Variants in ELAVL4 observed in about 807,000 individuals in gnomAD.
ELAVL4 encodes ELAV-like protein 4.
A neutral mutation model predicts 35.6 loss-of-function variants in ELAVL4; 1 was observed. That is an observed-to-expected ratio of 0.03 (90% CI 0.01 to 0.13). The LOEUF (loss-of-function observed/expected upper bound fraction) is 0.13, where lower values mean the gene tolerates loss of function less well. Ranked by LOEUF, ELAVL4 falls within the 10% of genes least tolerant of loss-of-function variation. The pLI is 1.00. For missense variants in ELAVL4, 267 were observed against 464.9 expected (o/e 0.57, Z 3.91); for synonymous variants, 156 against 171.0 (o/e 0.91, Z 0.69).
intron 4 of ELAVL4, among the ~76,000 whole-genome samples, chr1:50,195,297 G>C (rs1320251271): frequency 6.6e-6 from 1 of 152,142 alleles, no homozygotes; most frequent in Admixed American, 6.5e-5. Context: ...GTGATGATGG[G>C]GCAGAGCAGT....
In ELAVL4 at chr1:50,203,413, A is replaced by G. The variant is rs1042651140; in HGVS notation, c.*2235A>G. On this transcript the variant is annotated 3_prime_UTR_variant, in exon 7 of 7. Transcript: ENST00000371824. Reference sequence around the variant, plus strand: ...TCCTCTTTTCGGTTTTGGATATAACACCAGATTTCAGTTCAGAGAACACTC... The same window carrying G: ...TCCTCTTTTCGGTTTTGGATATAACGCCAGATTTCAGTTCAGAGAACACTC... 1 of 151,978 alleles carries G rather than the reference A, an allele frequency of 6.6e-6. No individual in the cohort carries two copies. 9.4% of individuals were successfully genotyped at this position (151,978 alleles called of 1,614,324 possible). A position where few individuals can be genotyped will look rare whatever the true frequency, so the allele number is the denominator to read the frequency against.
intron 3 of ELAVL4, among the ~76,000 whole-genome samples, chr1:50,186,538 C>T (rs755042417): frequency 2.6e-5 from 4 of 152,042 alleles, no homozygotes; most frequent in Non-Finnish European, 4.4e-5. Context: ...GTGCCTGGGA[C>T]TCGTGGAGGA....
chr1:50,093,590 A>T (rs1004814675), intron 1 of ELAVL4, among the ~76,000 whole-genome samples: 3 of 152,204 alleles, frequency 2.0e-5, no homozygotes, highest in African/African-American at 7.2e-5. Flanking sequence ...TTATTAATAG[A>T]GACTCCTTGC....
rs1469568050 is a variant in ELAVL4 at position 50,202,954 on chromosome 1, C to CT, written c.*1777dup. On this transcript the variant is annotated 3_prime_UTR_variant, in exon 7 of 7. Transcript: ENST00000371824. ...AAACAGAGCTAAGGGAACAAAATGA[C>CT]TGAGGGAGCACTCTCCCACGTCCAG... 3.3e-5 allele frequency: 5 copies of CT among 152,100 alleles called. No individual in the cohort carries two copies. Among genetic ancestry groups the CT allele is most frequent in the Non-Finnish European group, 7.4e-5 (5 of 67,992 alleles). 9.4% of individuals were successfully genotyped at this position (152,100 alleles called of 1,614,324 possible).
chr1:50,062,807 A>G (rs1355092660), intron 1 of ELAVL4, among the ~76,000 whole-genome samples: 2 of 152,186 alleles, frequency 1.3e-5, no homozygotes, highest in Non-Finnish European at 2.9e-5. Flanking sequence ...TGGTTCAAAC[A>G]TGGACACATG....
chr1:50,151,854 G>A (rs962597311), intron 2 of ELAVL4, among the ~76,000 whole-genome samples: 1 of 152,190 alleles, frequency 6.6e-6, no homozygotes, highest in African/African-American at 2.4e-5. Context: ...TGTTGGAGGT[G>A]AGTGGAAAAT....
At chr1:50,072,571 C>G (rs1664580605) in intron 1 of ELAVL4, among the ~76,000 whole-genome samples, 1 of 152,152 alleles carries the variant, frequency 6.6e-6, no homozygotes, top group Non-Finnish European at 1.5e-5. Flanking sequence ...ACAAATAACT[C>G]TCTCCCTCAA....
chr1:50,101,700 G>A (rs1665988138), upstream of ELAVL4, among the ~76,000 whole-genome samples: 1 of 151,996 alleles, frequency 6.6e-6, no homozygotes, highest in African/African-American at 2.4e-5. Context: ...GAGGCCAGGA[G>A]TTCAAGACAA....
chr1:50,087,313 A>T (rs1423242809), intron 1 of ELAVL4, among the ~76,000 whole-genome samples: 2 of 152,304 alleles, frequency 1.3e-5, no homozygotes, highest in African/African-American at 4.8e-5. Flanking sequence ...CCAAGGTGAC[A>T]GAGCTAATTA....
chr1:50,081,514 T>C (rs925395604), intron 1 of ELAVL4, among the ~76,000 whole-genome samples: 7 of 152,238 alleles, frequency 4.6e-5, no homozygotes, highest in Non-Finnish European at 1.0e-4. Flanking sequence ...TTCATCCAGA[T>C]TCTGATTCAG....
At chr1:50,071,866 T>C (rs772745830) in intron 1 of ELAVL4, among the ~76,000 whole-genome samples, 3 of 152,142 alleles carry the variant, frequency 2.0e-5, no homozygotes, top group Non-Finnish European at 4.4e-5. Flanking sequence ...GTTGAAAAAC[T>C]GTTGAGAGAA....
intron 3 of ELAVL4, 87 bp from the exon 4 acceptor site, chr1:50,193,678 G>A (rs930794611): frequency 6.8e-7 from 1 of 1,477,116 alleles, no homozygotes; most frequent in Non-Finnish European, 9.1e-7. Context: ...AACGGTAGAT[G>A]AGGGGCTGTC....
chr1:50,113,458 T>C (rs1362103564), intron 1 of ELAVL4, among the ~76,000 whole-genome samples: 2 of 152,144 alleles, frequency 1.3e-5, no homozygotes, highest in African/African-American at 4.8e-5. Context: ...ACGAAAGTAC[T>C]TTGGCCTTGA....
At chr1:50,163,926 A>C (rs1223010064) in intron 2 of ELAVL4, among the ~76,000 whole-genome samples, 1 of 152,196 alleles carries the variant, frequency 6.6e-6, no homozygotes, top group African/African-American at 2.4e-5. Flanking sequence ...CATATTCAAG[A>C]AACCAGGGCA....
intron 1 of ELAVL4, among the ~76,000 whole-genome samples, chr1:50,094,180 C>T (rs1389998211): frequency 6.6e-6 from 1 of 152,208 alleles, no homozygotes; most frequent in African/African-American, 2.4e-5. Context: ...ATTTATTTAA[C>T]TATCATTTAT....
chr1:50,150,276 T>G (rs1322282356), intron 2 of ELAVL4, among the ~76,000 whole-genome samples: 1 of 152,216 alleles, frequency 6.6e-6, no homozygotes, highest in South Asian at 2.1e-4. Flanking sequence ...GTGTCTTCAT[T>G]TCTTCCTTTA....
At position 50,193,993 on chromosome 1, in the gene ELAVL4, T is replaced by TC. The variant is rs1409190637; in HGVS notation, c.508+75_508+76insC. The TC allele has an allele frequency of 3.2e-6, 5 of 1,544,422 alleles. No individual in the cohort carries two copies. The African/African-American group carries it at 6.9e-5, about 21-fold the overall frequency. On this transcript the variant is annotated intron_variant, in intron 4 of 6. Coordinates refer to ENST00000371824, the MANE Select transcript of ELAVL4 (RefSeq NM_001144774.3). Reference sequence around the variant, plus strand: ...CCTGTTACTCATAAGAGCAGAAGGCTGATGGCTGCTTAAAGCAGATGATAT... The same window carrying TC: ...CCTGTTACTCATAAGAGCAGAAGGCTCGATGGCTGCTTAAAGCAGATGATAT...
At chr1:50,130,617 C>T (rs889915301) in intron 1 of ELAVL4, among the ~76,000 whole-genome samples, 20 of 152,108 alleles carry the variant, frequency 1.3e-4, no homozygotes, top group African/African-American at 4.6e-4. Flanking sequence ...ATATTCCAGG[C>T]ACTTTGTATG....
At position 50,175,656 on chromosome 1, in the gene ELAVL4, C is replaced by T. The variant is rs183344402; in HGVS notation, c.251-1433C>T. The T allele has an allele frequency of 4.1e-4, 62 of 152,316 alleles. 1 individual carries two copies. Among genetic ancestry groups the T allele is most frequent in the Admixed American group, 4.1e-3 (62 of 15,292 alleles). 9.4% of individuals were successfully genotyped at this position (152,316 alleles called of 1,614,324 possible). ...CCATTTGGGGTCAAATGCCATTGAG[C>T]TTTCTTGTGATTCTCTTTGCTCCAT... On this transcript the variant is annotated intron_variant, in intron 2 of 6. Coordinates refer to ENST00000371824, the MANE Select transcript of ELAVL4 (RefSeq NM_001144774.3).
Sources: allele counts gnomAD v4.1 joint callset (sites outside exome capture counted in the v4.1 genomes callset), GRCh38; gene constraint gnomAD v4.1.1; transcripts MANE v1.5; gene names NCBI Gene and HGNC (gene_info 2026-07-23, HGNC 2026-07-21).